The following CAPN14 variants were observed in gnomAD, a reference collection of about 807,000 sequenced individuals.
CAPN14 encodes calpain-14.
CAPN14 carries 94 observed loss-of-function variants against 101.3 expected under a neutral mutation model. The ratio of observed to expected loss-of-function variants is 0.93; its 90% confidence interval spans 0.79 to 1.10. The LOEUF (loss-of-function observed/expected upper bound fraction) is 1.10. CAPN14 is among the 50% of genes least tolerant of loss of function. CAPN14 has a pLI of 0.00. For missense variants in CAPN14, 837 were observed against 828.4 expected (o/e 1.01, Z -0.13); for synonymous variants, 338 against 317.9 (o/e 1.06, Z -0.67).
intron 5 of CAPN14, 101 bp downstream of exon 5, chr2:31,201,761 A>T: frequency 3.7e-6 from 5 of 1,356,886 alleles, no homozygotes; most frequent in Non-Finnish European, 5.0e-6. Flanking sequence ...ATGCCTCAGG[A>T]TCTCATTTCA....
At chr2:31,204,872 G>A (rs1431289175) in intron 2 of CAPN14, among the ~76,000 whole-genome samples, 1 of 152,202 alleles carries the variant, frequency 6.6e-6, no homozygotes, top group African/African-American at 2.4e-5. Flanking sequence ...TCACGGTCCT[G>A]ATTTATGGCT....
chr2:31,199,323 A>G, intron 7 of CAPN14, 147 bp downstream of exon 7: 1 of 726,948 alleles, frequency 1.4e-6, no homozygotes, highest in Non-Finnish European at 2.4e-6. Flanking sequence ...ACTTCACCGC[A>G]GGAAATAGAT....
chr2:31,207,629 T>A (rs1416739558), intron 1 of CAPN14, among the ~76,000 whole-genome samples: 1 of 151,970 alleles, frequency 6.6e-6, no homozygotes, highest in Admixed American at 6.6e-5. Context: ...TAGCTAGGCA[T>A]GGTGATGTAT....
chr2:31,209,974 T>G (rs1682303297), intron 1 of CAPN14, among the ~76,000 whole-genome samples: 1 of 152,230 alleles, frequency 6.6e-6, no homozygotes, highest in Non-Finnish European at 1.5e-5. Flanking sequence ...TATGAGGTTG[T>G]CCAGCTGGAA....
chr2:31,190,101 C>T (rs148030669), intron 12 of CAPN14, among the ~76,000 whole-genome samples: 55 of 143,474 alleles, frequency 3.8e-4, no homozygotes, highest in East Asian at 9.9e-4. Context: ...GCTCTGGTTC[C>T]GACATTTCTT....
intron 16 of CAPN14, among the ~76,000 whole-genome samples, chr2:31,181,847 T>A (rs1255298592): frequency 2.0e-5 from 3 of 151,148 alleles, no homozygotes; most frequent in Admixed American, 2.0e-4. Flanking sequence ...ACAAAGGACA[T>A]GAACTCATCC....
chr2:31,211,661 G>A (rs1377752131), intron 1 of CAPN14, among the ~76,000 whole-genome samples: 1 of 93,372 alleles, frequency 1.1e-5, no homozygotes, highest in East Asian at 3.8e-4. Flanking sequence ...AAATGAGCAC[G>A]TGTGCATGTG....
At chr2:31,174,968 A>G (rs78398421) in intron 21 of CAPN14, among the ~76,000 whole-genome samples, 1,630 of 152,294 alleles carry the variant, frequency 0.011, 10 homozygotes, top group South Asian at 0.03. Flanking sequence ...CATGAATTCA[A>G]TTTGGCATGC....
chr2:31,188,163 G>C (rs1348420578), intron 14 of CAPN14, among the ~76,000 whole-genome samples, 155 bp downstream of exon 14: 1 of 152,156 alleles, frequency 6.6e-6, no homozygotes, highest in African/African-American at 2.4e-5. Flanking sequence ...CAAAGCCCAG[G>C]TACTGTTAGG....
intron 2 of CAPN14, among the ~76,000 whole-genome samples, chr2:31,204,370 C>T (rs956315063): frequency 6.6e-6 from 1 of 152,146 alleles, no homozygotes; most frequent in Non-Finnish European, 1.5e-5. Context: ...ACCTTGGGAA[C>T]CTCTAGAGTG....
chr2:31,199,449 G>A (rs939211627), intron 7 of CAPN14, 21 bp downstream of exon 7: 18 of 1,549,528 alleles, frequency 1.2e-5, no homozygotes, highest in South Asian at 1.1e-4. Flanking sequence ...GAGGGAAACC[G>A]AAGGGCCAAC....
chr2:31,226,368 T>A (rs537724539), intron 2 of CAPN14, among the ~76,000 whole-genome samples: 9 of 152,292 alleles, frequency 5.9e-5, no homozygotes, highest in African/African-American at 2.2e-4. Context: ...TACAGGTAAT[T>A]CACATTTCTA....
Position 31,192,044 on chromosome 2 carries a change from C to A in CAPN14, c.1169G>T (p.Gly390Val). The change falls in exon 11 of 22, where the codon GGC becomes GTC. Residue 390 changes from glycine to valine, a missense_variant. Gly to Val is a moderately radical substitution (Grantham distance 109, BLOSUM62 -3). Coordinates refer to ENST00000403897, the MANE Select transcript of CAPN14 (RefSeq NM_001145122.2). ...GCTGCAGGGCCTCAGGGATCTCCTG[C>A]CCTCCTCGGGCCTCCAGACAGACAG... ...FLLSVWRPEE[G>V]RRSLRPCSVL... The A allele has an allele frequency of 6.4e-7, 1 of 1,551,514 alleles. No homozygotes were observed. The highest frequency in any genetic ancestry group is 8.7e-7 in the Non-Finnish European group (1 of 1,146,888).
Position 31,230,604 on chromosome 2 carries a change from GCAA to G in CAPN14, c.-177+3184_-177+3186del. On this transcript the variant is annotated intron_variant and NMD_transcript_variant, in intron 1 of 21. Coordinates refer to the CAPN14 transcript ENST00000398824. This position sits in a 1 kb window ranked among gnomAD's most constrained non-coding sequence, Gnocchi z 4.3. ...GCATTTCTCTAATTACTAATGAGAT[GCAA>G]CATGTTTTCTTGCGTTTATAGGGCA... Among the ~76,000 whole-genome samples, 1 of 152,302 alleles carries G rather than the reference GCAA, an allele frequency of 6.6e-6. No individual in the cohort carries two copies. The highest frequency in any genetic ancestry group is 1.5e-5 in the Non-Finnish European group (1 of 68,030).
In CAPN14 at chr2:31,181,000, C is replaced by T. The variant is rs2148672956; in HGVS notation, c.1646G>A (p.Ser549Asn). The T allele has an allele frequency of 6.4e-7, 1 of 1,551,714 alleles. No homozygotes were observed. Reference sequence around the variant, plus strand: ...AAAGAAGGGCTGTCTGCTCCCCAGACCTGTGAAGGAGCGAAAGAGTCCACA... The same window carrying T: ...AAAGAAGGGCTGTCTGCTCCCCAGATCTGTGAAGGAGCGAAAGAGTCCACA... ...QNLLNQMTWS[S>N]LGSRQPFFSL... The change falls in exon 17 of 22, where the codon AGT (serine) becomes AAT (asparagine). Residue 549 changes from serine (S) to asparagine (N), a missense_variant and splice_region_variant. Transcript: ENST00000403897.
At position 31,174,487 on chromosome 2, in the gene CAPN14, C is replaced by T. The variant is rs1680197351; in HGVS notation, c.*194G>A. Reference sequence around the variant, plus strand: ...ACAAATCTGATGTAATCTTTACTTCCTCCCTTCCCTTTCTGCATGCTGGCC... The same window carrying T: ...ACAAATCTGATGTAATCTTTACTTCTTCCCTTCCCTTTCTGCATGCTGGCC... On this transcript the variant is annotated 3_prime_UTR_variant, in exon 22 of 22. Coordinates refer to ENST00000403897, the MANE Select transcript of CAPN14 (RefSeq NM_001145122.2). 2 of 619,710 alleles carry T rather than the reference C, an allele frequency of 3.2e-6. No individual in the cohort carries two copies. The allele number at this position is 619,710 out of a possible 1,614,324, so 38.4% of individuals were successfully genotyped here. A position where few individuals can be genotyped will look rare whatever the true frequency, so the allele number is the denominator to read the frequency against.
intron 7 of CAPN14, among the ~76,000 whole-genome samples, 154 bp from the exon 8 acceptor site, chr2:31,197,488 T>G (rs1187557292): frequency 6.6e-6 from 1 of 152,186 alleles, no homozygotes; most frequent in East Asian, 1.9e-4. Flanking sequence ...CTTCTTGTAC[T>G]TACAAGCTGT....
chr2:31,191,669 T>C (rs1355854461), intron 11 of CAPN14, among the ~76,000 whole-genome samples: 1 of 152,238 alleles, frequency 6.6e-6, no homozygotes. Flanking sequence ...TTGATCATAC[T>C]ATGTGCCAGG....
rs1056748922 is a variant in CAPN14, at chr2:31,178,567, C to T, written c.1723G>A (p.Gly575Ser). Residue 575 changes from glycine to serine, a missense_variant, in exon 18 of 22, where the codon GGT (glycine) becomes AGT (serine). Gly to Ser is a moderately conservative substitution (Grantham distance 56). Transcript: ENST00000403897. The part of the protein sequence containing the change: ...ILALLDLNAS[G>S]TMSIQEFRDL... ...CTGAATTCCTGGATGCTCATAGTAC[C>T]TGATGCATTAAGCTGATTAATAGGT... 1.9e-6 allele frequency: 3 copies of T among 1,543,742 alleles called. No individual in the cohort carries two copies. Among genetic ancestry groups the T allele is most frequent in the African/African-American group, 2.8e-5 (2 of 72,500 alleles).
Sources: allele counts gnomAD v4.1 joint callset (sites outside exome capture counted in the v4.1 genomes callset), GRCh38; gene constraint gnomAD v4.1.1; non-coding constraint Gnocchi (gnomAD v3.1); transcripts MANE v1.5; gene names NCBI Gene and HGNC (gene_info 2026-07-23, HGNC 2026-07-21).